The following GMCL1 variants were observed in gnomAD, a reference collection of about 807,000 sequenced individuals.
GMCL1 encodes the protein germ cell-less protein-like 1.
GMCL1 carries 54 observed loss-of-function variants against 75.5 expected under a neutral mutation model. The ratio of observed to expected loss-of-function variants is 0.71; its 90% CI spans 0.57 to 0.90. The LOEUF (loss-of-function observed/expected upper bound fraction) is 0.90, where lower values mean the gene tolerates loss of function less well. Ranked by LOEUF, GMCL1 falls within the 40% of genes least tolerant of loss-of-function variation. The pLI is 0.00. For synonymous variants in GMCL1, 210 were observed against 209.6 expected (o/e 1.00, Z -0.02); for missense variants, 537 against 622.7 (o/e 0.86, Z 1.47).
At chr2:69,869,478 T>G (rs1271381044) in intron 11 of GMCL1, 7 of 352,450 alleles carry the variant, frequency 2.0e-5, no homozygotes, top group African/African-American at 1.4e-4. Context: ...TATGGAGAGA[T>G]AAGGAAACTG....
intron 1 of GMCL1, among the ~76,000 whole-genome samples, chr2:69,831,155 G>A (rs1232313599): frequency 1.3e-5 from 2 of 152,134 alleles, no homozygotes; most frequent in Non-Finnish European, 2.9e-5. Flanking sequence ...CCGACCTCAG[G>A]TGATCTGCTG....
At chr2:69,841,255 G>A (rs769445003) in intron 4 of GMCL1, among the ~76,000 whole-genome samples, 1 of 152,150 alleles carries the variant, frequency 6.6e-6, no homozygotes, top group Non-Finnish European at 1.5e-5. Flanking sequence ...AATGAATGCA[G>A]GCCATTTCTG....
intron 11 of GMCL1, among the ~76,000 whole-genome samples, chr2:69,866,601 G>A (rs1675825241): frequency 6.6e-6 from 1 of 152,088 alleles, no homozygotes; most frequent in African/African-American, 2.4e-5. Flanking sequence ...TGAGACTACA[G>A]ACACGTGTCA....
At chr2:69,832,712 C>G (rs978869303) in intron 1 of GMCL1, among the ~76,000 whole-genome samples, 2 of 152,212 alleles carry the variant, frequency 1.3e-5, no homozygotes, top group African/African-American at 4.8e-5. Context: ...ACAATCTAAC[C>G]TTTCAATTAG....
chr2:69,841,104 CA>C, intron 4 of GMCL1, 65 bp downstream of exon 4: 2 of 1,050,264 alleles, frequency 1.9e-6, no homozygotes, highest in South Asian at 1.5e-5. Flanking sequence ...GTGTGTACTC[CA>C]AAAACAAAAA....
At position 69,829,925 on chromosome 2, in the gene GMCL1, G is replaced by A. The variant is rs1674619321; in HGVS notation, c.33G>A (p.Gln11=). 1.9e-6 allele frequency: 3 copies of A among 1,604,374 alleles called. No homozygotes were observed. Among genetic ancestry groups the A allele is most frequent in the Non-Finnish European group, 2.6e-6 (3 of 1,175,712 alleles). Residue 11 remains glutamine (Q), a synonymous_variant, in exon 1 of 14, where the codon CAG becomes CAA. Transcript: ENST00000282570. MGSLSSRVLR[Q]PRPALAQQAQ... Reference sequence around the variant, plus strand: ...CGTTGAGCAGCCGGGTGCTGCGCCAGCCAAGACCAGCCCTTGCCCAGCAGG... The same window carrying A: ...CGTTGAGCAGCCGGGTGCTGCGCCAACCAAGACCAGCCCTTGCCCAGCAGG...
rs774034456 is a variant in GMCL1 at position 69,864,932 on chromosome 2, G to A, written c.1175G>A (p.Gly392Glu). Residue 392 changes from glycine (G) to glutamate (E), a missense_variant, in exon 11 of 14, where the codon GGA (glycine) becomes GAA (glutamate). Physicochemically the swap from Gly to Glu is moderately conservative, Grantham distance 98. Transcript: ENST00000282570. Reference protein sequence around the residue: ...PQEINKEELEGNSMRCGRKLA... With the variant: ...PQEINKEELEENSMRCGRKLA... ...GAAATCAATAAAGAAGAACTAGAGG[G>A]AAACAGCATGAGGTGTGGTAGAAAG... is the stretch of plus-strand genomic sequence containing the variant. The A allele has an allele frequency of 1.9e-6, 3 of 1,613,312 alleles. No individual in the cohort carries two copies. The South Asian group carries it at 3.3e-5, about 18-fold the overall frequency.
chr2:69,869,309 T>C (rs1675915177), intron 11 of GMCL1, among the ~76,000 whole-genome samples: 1 of 148,354 alleles, frequency 6.7e-6, no homozygotes, highest in Admixed American at 6.7e-5. Flanking sequence ...TCCCAGCTAC[T>C]TGGGAGGCTG....
Position 69,865,627 on chromosome 2 carries a change from G to A in GMCL1, c.1218+652G>A, listed in dbSNP as rs192408082. Among the ~76,000 whole-genome samples, 680 of 150,792 alleles carry A rather than the reference G, an allele frequency of 4.5e-3. 6 individuals are homozygous for A. Among genetic ancestry groups the A allele is most frequent in the African/African-American group, 0.014 (584 of 41,012 alleles). On this transcript the variant is annotated intron_variant, in intron 11 of 13. Coordinates refer to ENST00000282570, the MANE Select transcript of GMCL1 (RefSeq NM_178439.5). ...CATGCCACTGCACTCCAGCCTGGGCGACAAAGTAAGACTCCATCTCAAAAA... is the reference window on the plus strand; with the variant it reads ...CATGCCACTGCACTCCAGCCTGGGCAACAAAGTAAGACTCCATCTCAAAAA...
In GMCL1 at chr2:69,850,032, C is replaced by T. The variant is rs17037171; in HGVS notation, c.934+290C>T. Among the ~76,000 whole-genome samples, 1,158 of 152,270 alleles carry T rather than the reference C, an allele frequency of 7.6e-3. 18 individuals are homozygous for T. Among genetic ancestry groups the T allele is most frequent in the African/African-American group, 0.027 (1,101 of 41,546 alleles). ...GATCGCCAAAAACTATTGTTTTTCC[C>T]ATTTTATCACTAACAGATCTTGTTG... On this transcript the variant is annotated intron_variant, in intron 8 of 13. Transcript: ENST00000282570.
chr2:69,871,029 A>G (rs1675967016), intron 12 of GMCL1, among the ~76,000 whole-genome samples: 1 of 152,210 alleles, frequency 6.6e-6, no homozygotes, highest in Non-Finnish European at 1.5e-5. Flanking sequence ...TCTATAGACC[A>G]GAAGAATTGA....
intron 8 of GMCL1, among the ~76,000 whole-genome samples, chr2:69,850,958 T>A (rs1246450841): frequency 2.0e-5 from 3 of 152,240 alleles, no homozygotes; most frequent in African/African-American, 4.8e-5. Flanking sequence ...TGACTCTTAA[T>A]ATGGTTATTA....
intron 12 of GMCL1, among the ~76,000 whole-genome samples, chr2:69,871,094 C>T (rs1207054541): frequency 6.6e-6 from 1 of 151,398 alleles, no homozygotes; most frequent in Non-Finnish European, 1.5e-5. Context: ...CAGCATTATT[C>T]ACAATAGCCA....
Position 69,879,179 on chromosome 2 carries a change from T to G in GMCL1, c.*175T>G. 2.0e-6 allele frequency: 1 copy of G among 503,156 alleles called. No individual in the cohort carries two copies. Among genetic ancestry groups the G allele is most frequent in the Non-Finnish European group, 3.5e-6 (1 of 282,668 alleles). 31.2% of individuals were successfully genotyped at this position (503,156 alleles called of 1,614,324 possible). Reference sequence around the variant, plus strand: ...CTGTACAGACAATACAGAAGATTATTCTTATCCTCATTGCATTTCTATGCA... The same window carrying G: ...CTGTACAGACAATACAGAAGATTATGCTTATCCTCATTGCATTTCTATGCA... On this transcript the variant is annotated 3_prime_UTR_variant, in exon 14 of 14. Coordinates refer to ENST00000282570, the MANE Select transcript of GMCL1 (RefSeq NM_178439.5).
Position 69,870,377 on chromosome 2 carries a change from T to C in GMCL1, c.1364+513T>C, listed in dbSNP as rs986544456. ...AAATTAACTTAAAATGGATCAAAGA[T>C]CTAAGCATAAGAACTGCAACTATGA... On this transcript the variant is annotated intron_variant, in intron 12 of 13. Coordinates refer to ENST00000282570, the MANE Select transcript of GMCL1 (RefSeq NM_178439.5). Among the ~76,000 whole-genome samples, 3 of 152,018 alleles carry C rather than the reference T, an allele frequency of 2.0e-5. No homozygotes were observed. The East Asian group carries it at 5.8e-4, about 29-fold the overall frequency.
chr2:69,841,125 G>T, intron 4 of GMCL1, 86 bp downstream of exon 4: 2 of 796,354 alleles, frequency 2.5e-6, no homozygotes, highest in Non-Finnish European at 1.9e-6. Flanking sequence ...ATAAAGCTTA[G>T]CTTTTTTGGA....
rs1312301207 is a variant in GMCL1 at position 69,830,135 on chromosome 2, C to A, written c.243C>A (p.Leu81=). Residue 81 remains leucine (L), a synonymous_variant, in exon 1 of 14, where the codon CTC becomes CTA. Coordinates refer to ENST00000282570, the MANE Select transcript of GMCL1 (RefSeq NM_178439.5). ...AGGAGGGGGACGAGCAGCAGCGGCTCCTCAACACCCCTCGAAGGTACGTGG... is the reference window on the plus strand; with the variant it reads ...AGGAGGGGGACGAGCAGCAGCGGCTACTCAACACCCCTCGAAGGTACGTGG... The part of the protein sequence containing the change: ...DEEEGDEQQR[L]LNTPRRKKLK... 1 of 1,566,882 alleles carries A rather than the reference C, an allele frequency of 6.4e-7. No homozygotes were observed. The highest frequency in any genetic ancestry group is 1.9e-5 in the Admixed American group (1 of 52,730).
chr2:69,871,872 G>T lies in GMCL1; in HGVS notation c.1452+40G>T. ...CTTCTGGTATGTCATCATAATATTTGTCTTTTGAATCCTCTTTTGAAAATT... is the reference window on the plus strand; with the variant it reads ...CTTCTGGTATGTCATCATAATATTTTTCTTTTGAATCCTCTTTTGAAAATT... On this transcript the variant is annotated intron_variant, in intron 13 of 13. Transcript: ENST00000282570. The T allele has an allele frequency of 4.1e-6, 5 of 1,216,784 alleles. No homozygotes were observed. In the South Asian group the frequency reaches 6.7e-5, roughly 16 times the overall value. The allele number at this position is 1,216,784 out of a possible 1,614,324, so 75.4% of individuals were successfully genotyped here.
intron 9 of GMCL1, among the ~76,000 whole-genome samples, chr2:69,858,625 A>T (rs1047454827): frequency 6.6e-6 from 1 of 152,044 alleles, no homozygotes; most frequent in Non-Finnish European, 1.5e-5. Context: ...TGCTATTAAC[A>T]TTGCATTTGA....
Sources: allele counts gnomAD v4.1 joint callset (sites outside exome capture counted in the v4.1 genomes callset), GRCh38; gene constraint gnomAD v4.1.1; transcripts MANE v1.5; gene names NCBI Gene and HGNC (gene_info 2026-07-23, HGNC 2026-07-21).